Variants in CTNND1 observed in about 807,000 individuals in gnomAD.
CTNND1 encodes the protein catenin delta-1.
CTNND1 carries 16 observed loss-of-function variants against 112.1 expected under a neutral mutation model. The ratio of observed to expected loss-of-function variants is 0.14; its 90% CI spans 0.10 to 0.22. CTNND1 has a LOEUF of 0.22. Among genes scored for constraint, CTNND1 ranks in the 10% least tolerant of loss-of-function variants. The pLI is 1.00. For synonymous variants in CTNND1, 420 were observed against 446.5 expected, an observed-to-expected ratio of 0.94 and a Z score of 0.75; for missense variants, 1,008 against 1,257.0, an observed-to-expected ratio of 0.80 and a Z score of 3.00.
intron 4 of CTNND1, among the ~76,000 whole-genome samples, chr11:57,794,963 C>G (rs554248665): frequency 6.6e-6 from 1 of 151,522 alleles, no homozygotes; most frequent in Non-Finnish European, 1.5e-5. Flanking sequence ...CTTTGGGAGG[C>G]TGAGGCTGGA....
chr11:57,810,303 T>A (rs1016728799), intron 16 of CTNND1, 80 bp downstream of exon 16: 1 of 1,060,504 alleles, frequency 9.4e-7, no homozygotes, highest in Admixed American at 2.7e-5. Context: ...TTTCGTTTCT[T>A]CCATTTCACC....
chr11:57,767,058 G>A (rs1032500888), intron 1 of CTNND1, among the ~76,000 whole-genome samples: 7 of 150,850 alleles, frequency 4.6e-5, no homozygotes, highest in Admixed American at 2.7e-4. Flanking sequence ...TGCAACCTCC[G>A]CCTCCCGGTT....
intron 1 of CTNND1, among the ~76,000 whole-genome samples, chr11:57,781,095 C>A (rs372807640): frequency 2.0e-5 from 3 of 152,258 alleles, no homozygotes; most frequent in South Asian, 4.1e-4. Flanking sequence ...TCTGCCACCA[C>A]GCCAGGCTAA....
At chr11:57,787,016 A>C (rs1055819523) in intron 1 of CTNND1, among the ~76,000 whole-genome samples, 3 of 152,124 alleles carry the variant, frequency 2.0e-5, no homozygotes, top group Admixed American at 6.6e-5. Flanking sequence ...TAAATTCAAA[A>C]TTTGCTATTA....
At chr11:57,781,931 A>G (rs886305168) in intron 1 of CTNND1, among the ~76,000 whole-genome samples, 14 of 152,162 alleles carry the variant, frequency 9.2e-5, no homozygotes, top group African/African-American at 3.1e-4. Flanking sequence ...TTAGTATGTT[A>G]TGGTTTAGAG....
intron 1 of CTNND1, among the ~76,000 whole-genome samples, chr11:57,777,194 C>G (rs539143870): frequency 6.6e-6 from 1 of 152,216 alleles, no homozygotes; most frequent in Middle Eastern, 3.4e-3. Flanking sequence ...CATAGTGTTG[C>G]TAAATATTCT....
At chr11:57,797,863 A>AC (rs1491363228) in intron 6 of CTNND1, among the ~76,000 whole-genome samples, 1 of 149,702 alleles carries the variant, frequency 6.7e-6, no homozygotes, top group African/African-American at 2.5e-5. Context: ...AAAAAAAAAA[A>AC]CAACTTGTGA....
chr11:57,817,997 C>G lies in CTNND1; in HGVS notation c.*1689C>G, dbSNP rs2137760543. 1 of 152,634 alleles carries G rather than the reference C, an allele frequency of 6.6e-6. No individual in the cohort carries two copies. Among genetic ancestry groups the G allele is most frequent in the East Asian group, 1.9e-4 (1 of 5,180 alleles). The allele number at this position is 152,634 out of a possible 1,614,324, so 9.5% of individuals were successfully genotyped here. ...AGGAGAAAAGTGCACAACCCACCAC[C>G]CCCTTTACTCGTGCATTAAAATTTC... is the stretch of plus-strand genomic sequence containing the variant. On this transcript the variant is annotated 3_prime_UTR_variant, in exon 21 of 21. Transcript: ENST00000399050.
Position 57,789,287 on chromosome 11 carries a change from G to A in CTNND1, c.-95+132G>A, listed in dbSNP as rs554985502. On this transcript the variant is annotated intron_variant, in intron 2 of 20. Transcript: ENST00000399050. ...TTTTTCTTTATGGGTTGGTGAGAGG[G>A]TGGGAATTGGGGAGAATATTTATTT... 28 of 579,406 alleles carry A rather than the reference G, an allele frequency of 4.8e-5. No homozygotes were observed. The East Asian group carries it at 7.2e-4, about 15-fold the overall frequency. The allele number at this position is 579,406 out of a possible 1,614,324, so 35.9% of individuals were successfully genotyped here. A position where few individuals can be genotyped will look rare whatever the true frequency, so the allele number is the denominator to read the frequency against.
At chr11:57,780,435 T>G (rs1274076007) in intron 1 of CTNND1, among the ~76,000 whole-genome samples, 1 of 152,168 alleles carries the variant, frequency 6.6e-6, no homozygotes, top group Non-Finnish European at 1.5e-5. Flanking sequence ...GGACTTGGAA[T>G]AAAATAGGAG....
At chr11:57,763,409 C>T (rs1229176995) in intron 1 of CTNND1, among the ~76,000 whole-genome samples, 1 of 152,098 alleles carries the variant, frequency 6.6e-6, no homozygotes, top group Non-Finnish European at 1.5e-5. Flanking sequence ...CCCCTCACCC[C>T]CCTGCCACAA....
At chr11:57,801,447 C>A (rs2062013304) in intron 6 of CTNND1, among the ~76,000 whole-genome samples, 1 of 152,282 alleles carries the variant, frequency 6.6e-6, no homozygotes, top group Admixed American at 6.5e-5. Context: ...TTGGTTCTTT[C>A]TTTTTGATTA....
rs748862194 is a variant in CTNND1 at position 57,791,456 on chromosome 11, C to T, written c.-23C>T. ...TCACCTTCCTTTTTACCCTGCCCTG[C>T]GGCGGCTCCGCCCCTTACCTTCATG... On this transcript the variant is annotated 5_prime_UTR_variant, in exon 3 of 21. Coordinates refer to ENST00000399050, the MANE Select transcript of CTNND1 (RefSeq NM_001085458.2). 1.7e-5 allele frequency: 24 copies of T among 1,432,394 alleles called. No individual in the cohort carries two copies. In the Admixed American group the frequency reaches 4.1e-4, roughly 25 times the overall value. 88.7% of individuals were successfully genotyped at this position (1,432,394 alleles called of 1,614,324 possible).
chr11:57,768,415 A>G (rs1317548676), intron 1 of CTNND1, among the ~76,000 whole-genome samples: 3 of 126,672 alleles, frequency 2.4e-5, no homozygotes, highest in Non-Finnish European at 4.8e-5. Context: ...TTTTTTTTAG[A>G]CAGAGTCTTG....
chr11:57,771,516 G>A (rs937335734), intron 1 of CTNND1, among the ~76,000 whole-genome samples: 21 of 152,204 alleles, frequency 1.4e-4, no homozygotes, highest in African/African-American at 4.6e-4. Context: ...ATGAGGAGTA[G>A]GAAGTGCAAA....
Position 57,791,523 on chromosome 11 carries a change from T to A in CTNND1, c.45T>A (p.Ser15=), listed in dbSNP as rs777919530. The change falls in exon 3 of 21, where the codon TCT becomes TCA. Residue 15 remains serine (S), a synonymous_variant. Transcript: ENST00000399050. ...AGTCGACCGCCAGCATCTTGGCCTCTGTGAAGGAACAAGAGGCCCAGTTTG... is the reference window on the plus strand; with the variant it reads ...AGTCGACCGCCAGCATCTTGGCCTCAGTGAAGGAACAAGAGGCCCAGTTTG... ...EVESTASILA[S]VKEQEAQFEK... 4 of 1,599,394 alleles carry A rather than the reference T, an allele frequency of 2.5e-6. No individual in the cohort carries two copies. In the East Asian group the frequency reaches 9.2e-5, roughly 37 times the overall value.
chr11:57,807,028 A>G (rs1156342003), intron 12 of CTNND1, 45 bp downstream of exon 12: 4 of 1,440,620 alleles, frequency 2.8e-6, no homozygotes, highest in Non-Finnish European at 3.8e-6. Flanking sequence ...AACATAGTAC[A>G]AAGATAAGAT....
chr11:57,810,396 T>TC (rs2063191432), intron 16 of CTNND1, among the ~76,000 whole-genome samples, 173 bp downstream of exon 16: 1 of 151,846 alleles, frequency 6.6e-6, no homozygotes, highest in African/African-American at 2.4e-5. Flanking sequence ...TGGCGCAATC[T>TC]CGGCTCACTG....
rs1449345112 is a variant in CTNND1, at chr11:57,808,150, T to G, written c.1964-15T>G. 1.9e-6 allele frequency: 3 copies of G among 1,602,528 alleles called. No individual in the cohort carries two copies. The East Asian group carries it at 6.7e-5, about 36-fold the overall frequency. On this transcript the variant is annotated splice_polypyrimidine_tract_variant and intron_variant, in intron 12 of 20. Transcript: ENST00000399050. Reference sequence around the variant, plus strand: ...ACTGATTAGCACCCTCTGCTTCTATTTCTCTTTTGTGCAGGCTATGAGCTC... The same window carrying G: ...ACTGATTAGCACCCTCTGCTTCTATGTCTCTTTTGTGCAGGCTATGAGCTC...
Sources: allele counts gnomAD v4.1 joint callset (sites outside exome capture counted in the v4.1 genomes callset), GRCh38; gene constraint gnomAD v4.1.1; transcripts MANE v1.5; gene names NCBI Gene and HGNC (gene_info 2026-07-23, HGNC 2026-07-21).